ASIP: variants seen among roughly 807,000 people sequenced by gnomAD.
The protein encoded by ASIP is agouti signaling protein, also known as agouti-signaling protein.
ASIP carries 11 observed loss-of-function variants against 10.3 expected under a neutral mutation model. That is an observed-to-expected ratio of 1.07 (90% CI 0.68 to 1.78). ASIP has a LOEUF of 1.78. Among genes scored for constraint, ASIP ranks in the 40% most tolerant of loss-of-function variants. The pLI is 0.00. For missense variants in ASIP, 180 were observed against 169.2 expected (o/e 1.06, Z -0.35); for synonymous variants, 70 against 70.8 (o/e 0.99, Z 0.06).
intron 1 of ASIP, among the ~76,000 whole-genome samples, chr20:34,227,003 G>A (rs990726820): frequency 6.6e-6 from 1 of 151,978 alleles, no homozygotes; most frequent in Admixed American, 6.6e-5. Context: ...AATTCAGTAA[G>A]GCAAGAACAA....
At chr20:34,256,343 G>A (rs980595530) in intron 1 of ASIP, among the ~76,000 whole-genome samples, 9 of 152,084 alleles carry the variant, frequency 5.9e-5, no homozygotes, top group African/African-American at 1.9e-4. Flanking sequence ...GTGGTCCCCC[G>A]GACCCAGCTG....
chr20:34,208,916 A>T (rs6059718), intron 1 of ASIP, among the ~76,000 whole-genome samples: 41,171 of 152,162 alleles, frequency 0.27, 10,715 homozygotes, highest in African/African-American at 0.69. Context: ...AATTGTTCAC[A>T]GTTGAAATAT....
chr20:34,265,677 C>T (rs2035771715), intron 3 of ASIP, among the ~76,000 whole-genome samples: 1 of 152,100 alleles, frequency 6.6e-6, no homozygotes, highest in Admixed American at 6.6e-5. Flanking sequence ...TGGCCGGGCA[C>T]AGTGGCTCAC....
At chr20:34,225,700 T>C (rs77190841) in intron 1 of ASIP, among the ~76,000 whole-genome samples, 7 of 152,174 alleles carry the variant, frequency 4.6e-5, no homozygotes, top group Non-Finnish European at 1.0e-4. Context: ...TTTTTTCTCA[T>C]GTCTCTCAGT....
At position 34,251,020 on chromosome 20, in the gene ASIP, C is replaced by T. The variant is rs565373760; in HGVS notation, c.-10-9345C>T. Among the ~76,000 whole-genome samples, 18 of 152,210 alleles carry T rather than the reference C, an allele frequency of 1.2e-4. 1 individual carries two copies. The South Asian group carries it at 2.5e-3, about 21-fold the overall frequency. ...TTGCACATTAGCATACATGTGTGCA[C>T]GCACGTCAACAAGACTCCTGGGTTA... On this transcript the variant is annotated intron_variant, in intron 1 of 3. Coordinates refer to ENST00000374954, the MANE Select transcript of ASIP (RefSeq NM_001672.3).
chr20:34,212,427 A>G (rs1321097218), intron 1 of ASIP, among the ~76,000 whole-genome samples: 1 of 152,132 alleles, frequency 6.6e-6, no homozygotes, highest in Non-Finnish European at 1.5e-5. Context: ...ATACATTATG[A>G]CCCTTTTCTA....
chr20:34,237,359 T>C (rs958777243), upstream of ASIP, among the ~76,000 whole-genome samples: 9 of 152,234 alleles, frequency 5.9e-5, no homozygotes, highest in East Asian at 3.8e-4. Context: ...CAATGTTCTA[T>C]AGTTGTCATT....
intron 1 of ASIP, 40 bp from the exon 2 acceptor site, chr20:34,260,325 C>A: frequency 6.3e-7 from 1 of 1,586,774 alleles, no homozygotes; most frequent in Non-Finnish European, 8.6e-7. Flanking sequence ...TACCATTACC[C>A]CTGACCCACC....
At chr20:34,216,330 A>C (rs2035008459) in intron 1 of ASIP, among the ~76,000 whole-genome samples, 1 of 152,234 alleles carries the variant, frequency 6.6e-6, no homozygotes, top group Non-Finnish European at 1.5e-5. Flanking sequence ...CGCTGGCGCC[A>C]GCAGTCTCAT....
intron 1 of ASIP, among the ~76,000 whole-genome samples, chr20:34,212,807 C>T (rs1316610217): frequency 6.6e-6 from 1 of 152,174 alleles, no homozygotes; most frequent in African/African-American, 2.4e-5. Context: ...ATTCTTTACC[C>T]TTATAACTAA....
At chr20:34,194,585 C>G (rs1042996347) in exon 1 of ASIP, 1 of 150,976 alleles carries the variant, frequency 6.6e-6, no homozygotes, top group African/African-American at 2.4e-5. Flanking sequence ...GCCCGCTGAA[C>G]GCCTGGAAGA....
In ASIP at chr20:34,230,746, T is replaced by C. The variant is rs1244931847; in HGVS notation, c.-10-29619T>C. Among the ~76,000 whole-genome samples the C allele has an allele frequency of 1.1e-3, 40 of 37,936 alleles. 1 individual carries two copies. Among genetic ancestry groups the C allele is most frequent in the South Asian group, 3.6e-3 (5 of 1,382 alleles). The allele number at this position is 37,936 out of a possible 152,430, so 24.9% of individuals were successfully genotyped here. ...CTGACCCCCCCACCTCCCTCCCGGA[T>C]GGGGCGGCTGGCCTGGCCGGGGCTG... On this transcript the variant is annotated intron_variant, in intron 1 of 3. Transcript: ENST00000568305.
At chr20:34,217,521 T>A (rs1354129007) in intron 1 of ASIP, among the ~76,000 whole-genome samples, 1 of 152,186 alleles carries the variant, frequency 6.6e-6, no homozygotes, top group Admixed American at 6.5e-5. Flanking sequence ...ACAATTTATG[T>A]CTCATCAGCC....
At chr20:34,189,877 G>A (rs749504859), upstream of ASIP, among the ~76,000 whole-genome samples, 4 of 152,148 alleles carry the variant, frequency 2.6e-5, no homozygotes, top group Non-Finnish European at 4.4e-5. Flanking sequence ...TTCTGTCTCT[G>A]GAAAGGATGC....
At chr20:34,200,218 T>G (rs1488508344) in intron 1 of ASIP, among the ~76,000 whole-genome samples, 1 of 152,228 alleles carries the variant, frequency 6.6e-6, no homozygotes, top group Non-Finnish European at 1.5e-5. Context: ...TTAAATGTTG[T>G]GCCATCATTT....
chr20:34,215,417 C>G, intron 1 of ASIP: 2 of 1,537,734 alleles, frequency 1.3e-6, no homozygotes, highest in East Asian at 4.5e-5. Flanking sequence ...GATGTATGCA[C>G]CACATCACGA....
At chr20:34,263,478 T>C (rs2035730955) in intron 3 of ASIP, among the ~76,000 whole-genome samples, 1 of 151,850 alleles carries the variant, frequency 6.6e-6, no homozygotes, top group Non-Finnish European at 1.5e-5. Context: ...GGCAGGAGAA[T>C]TGCTTGTACC....
rs1601623327 is a variant in ASIP at position 34,269,027 on chromosome 20, A to C, written c.259A>C (p.Thr87Pro). The change falls in exon 4 of 4, where the codon ACC becomes CCC. Residue 87 changes from threonine to proline, a missense_variant. Thr to Pro is a conservative substitution (Grantham distance 38, BLOSUM62 -1). Coordinates refer to ENST00000374954, the MANE Select transcript of ASIP (RefSeq NM_001672.3). ...GATGAAGAAAGTGGTGCGGCCCCGGACCCCCCTATCTGCGCCCTGCGTGGC... is the reference window on the plus strand; with the variant it reads ...GATGAAGAAAGTGGTGCGGCCCCGGCCCCCCCTATCTGCGCCCTGCGTGGC... ...ASMKKVVRPRTPLSAPCVATR... is the reference protein window; with the variant it reads ...ASMKKVVRPRPPLSAPCVATR... 6.2e-7 allele frequency: 1 copy of C among 1,606,796 alleles called. No homozygotes were observed.
intron 1 of ASIP, among the ~76,000 whole-genome samples, chr20:34,220,039 G>A (rs999972886): frequency 1.3e-5 from 2 of 152,020 alleles, no homozygotes; most frequent in African/African-American, 2.4e-5. Flanking sequence ...GCAGTGAGCC[G>A]AGATCGTGCC....
Sources: gnomAD v4.1 joint callset for allele counts (sites outside exome capture counted in the v4.1 genomes callset) on GRCh38, gnomAD v4.1.1 for gene constraint, MANE v1.5 for transcripts, NCBI Gene and HGNC (gene_info 2026-07-23, HGNC 2026-07-21) for gene names.